NCAM2: variants seen among roughly 807,000 people sequenced by gnomAD.
The protein encoded by NCAM2 is N-CAM-2.
Under a neutral mutation model 98.1 loss-of-function variants are expected in NCAM2, and 30 were observed. That is an observed-to-expected ratio of 0.31 (90% CI 0.23 to 0.41). The LOEUF (loss-of-function observed/expected upper bound fraction) is 0.41. Among genes scored for constraint, NCAM2 ranks in the 10% least tolerant of loss-of-function variants. The probability of loss-of-function intolerance (pLI) is 1.00; values close to 1 mark genes in which losing one functional copy is unlikely to be tolerated. For synonymous variants in NCAM2, 368 were observed against 342.4 expected, an observed-to-expected ratio of 1.07 and a Z score of -0.83; for missense variants, 867 against 1,005.8, an observed-to-expected ratio of 0.86 and a Z score of 1.87.
At chr21:21,378,015 A>G (rs1306379774) in intron 9 of NCAM2, among the ~76,000 whole-genome samples, 1 of 151,994 alleles carries the variant, frequency 6.6e-6, no homozygotes, top group African/African-American at 2.4e-5. Flanking sequence ...GACAAGATTT[A>G]TCATTTTTTA....
intron 1 of NCAM2, among the ~76,000 whole-genome samples, chr21:21,183,626 A>G (rs1431179672): frequency 6.6e-6 from 1 of 152,186 alleles, no homozygotes; most frequent in Admixed American, 6.6e-5. Context: ...AAACTGGTAA[A>G]TTAATCAGGT....
intron 8 of NCAM2, among the ~76,000 whole-genome samples, chr21:21,352,548 A>C (rs1289859374): frequency 6.6e-6 from 1 of 151,898 alleles, no homozygotes; most frequent in Non-Finnish European, 1.5e-5. Flanking sequence ...ATTAAAGCTT[A>C]ATTCTGACTT....
intron 12 of NCAM2, among the ~76,000 whole-genome samples, chr21:21,437,570 C>T (rs1041054763): frequency 6.6e-6 from 1 of 151,082 alleles, no homozygotes; most frequent in Admixed American, 6.6e-5. Flanking sequence ...ATCCCCACTT[C>T]ATCTCCCCAT....
chr21:21,015,507 A>T (rs1338455728), intron 1 of NCAM2, among the ~76,000 whole-genome samples: 1 of 152,214 alleles, frequency 6.6e-6, no homozygotes, highest in Admixed American at 6.5e-5. Context: ...AAACATTTTT[A>T]AATTAATGTA....
Position 21,060,348 on chromosome 21 carries a change from G to C in NCAM2, c.55+61730G>C, listed in dbSNP as rs550626803. Among the ~76,000 whole-genome samples the C allele has an allele frequency of 7.9e-5, 12 of 152,108 alleles. 1 individual carries two copies. In the South Asian group the frequency reaches 2.5e-3, roughly 32 times the overall value. On this transcript the variant is annotated intron_variant, in intron 1 of 17. Transcript: ENST00000400546. ...AACATATTATGTTTTAAATGCACAA[G>C]CATATCTGTGTATGGGTTCTGTGTA...
intron 9 of NCAM2, among the ~76,000 whole-genome samples, chr21:21,400,698 G>T (rs1010658310): frequency 6.6e-6 from 1 of 150,624 alleles, no homozygotes; most frequent in African/African-American, 2.4e-5. Flanking sequence ...TGATTCTCAT[G>T]CCTCAGCCTC....
intron 1 of NCAM2, among the ~76,000 whole-genome samples, chr21:21,154,811 A>T (rs2067562305): frequency 6.6e-6 from 1 of 151,888 alleles, no homozygotes; most frequent in Admixed American, 6.6e-5. Flanking sequence ...AATAGGGTAT[A>T]AAAATAGAAG....
Position 21,052,002 on chromosome 21 carries a change from T to C in NCAM2, c.55+53384T>C, listed in dbSNP as rs75823068. Reference sequence around the variant, plus strand: ...TTTCATTTTAGAGTCAGAGTATATATGCAGGATTTTTTTTAACAAAGGTAA... The same window carrying C: ...TTTCATTTTAGAGTCAGAGTATATACGCAGGATTTTTTTTAACAAAGGTAA... On this transcript the variant is annotated intron_variant, in intron 1 of 17. Coordinates refer to ENST00000400546, the MANE Select transcript of NCAM2 (RefSeq NM_004540.5). Among the ~76,000 whole-genome samples, 377 of 152,272 alleles carry C rather than the reference T, an allele frequency of 2.5e-3. 16 individuals are homozygous for C. The East Asian group carries it at 0.065, about 26-fold the overall frequency.
At position 21,492,868 on chromosome 21, in the gene NCAM2, A is replaced by G. The variant is rs139983485; in HGVS notation, c.2077+15397A>G. ...AATGTGGTTAAATAAAAAATAAATTATCTTCAAATTGGCATTTCTGTTTTA... is the reference window on the plus strand; with the variant it reads ...AATGTGGTTAAATAAAAAATAAATTGTCTTCAAATTGGCATTTCTGTTTTA... On this transcript the variant is annotated intron_variant, in intron 15 of 17. Coordinates refer to ENST00000400546, the MANE Select transcript of NCAM2 (RefSeq NM_004540.5). Among the ~76,000 whole-genome samples, 23 of 152,026 alleles carry G rather than the reference A, an allele frequency of 1.5e-4. No homozygotes were observed. In the East Asian group the frequency reaches 4.3e-3, roughly 28 times the overall value.
Position 21,468,351 on chromosome 21 carries a change from TTAA to T in NCAM2, c.1775-304_1775-302del, listed in dbSNP as rs147997693. Among the ~76,000 whole-genome samples the T allele has an allele frequency of 2.8e-3, 430 of 152,104 alleles. 2 individuals carry two copies. The highest frequency in any genetic ancestry group is 1.0e-2 in the African/African-American group (415 of 41,524). On this transcript the variant is annotated intron_variant, in intron 13 of 17. Transcript: ENST00000400546. ...AGAAAATAAAAATGATTTAATACTA[TTAA>T]TAATAAGAGAAATAAAGTTTTACAT...
chr21:21,404,358 A>C (rs1358024376), intron 9 of NCAM2, among the ~76,000 whole-genome samples: 2 of 152,120 alleles, frequency 1.3e-5, no homozygotes, highest in Non-Finnish European at 2.9e-5. Context: ...GGGACCCAGC[A>C]GAGCATAATT....
At chr21:21,126,171 A>G (rs1394749452) in intron 1 of NCAM2, among the ~76,000 whole-genome samples, 1 of 135,178 alleles carries the variant, frequency 7.4e-6, no homozygotes, top group Non-Finnish European at 1.6e-5. Context: ...TTAGTGAGGG[A>G]TCATTTCCGG....
intron 9 of NCAM2, among the ~76,000 whole-genome samples, chr21:21,389,764 G>A (rs759876403): frequency 3.9e-5 from 6 of 152,076 alleles, no homozygotes; most frequent in Non-Finnish European, 7.4e-5. Flanking sequence ...TCTCTTTTAT[G>A]GCTGAATAAC....
chr21:21,067,588 G>A (rs2065467122), intron 1 of NCAM2, among the ~76,000 whole-genome samples: 1 of 152,038 alleles, frequency 6.6e-6, no homozygotes, highest in Non-Finnish European at 1.5e-5. Flanking sequence ...AGTCTTTCTT[G>A]CATCATCCTA....
chr21:21,344,353 C>T (rs1290368341), intron 8 of NCAM2, among the ~76,000 whole-genome samples: 2 of 152,232 alleles, frequency 1.3e-5, no homozygotes, highest in Middle Eastern at 3.4e-3. Flanking sequence ...TCTGCCAATC[C>T]AGGACCTTAC....
chr21:21,319,998 G>A (rs2074332686), intron 5 of NCAM2, among the ~76,000 whole-genome samples: 1 of 152,060 alleles, frequency 6.6e-6, no homozygotes, highest in African/African-American at 2.4e-5. Context: ...AACTTAATGA[G>A]CCAAATTTGA....
intron 5 of NCAM2, among the ~76,000 whole-genome samples, chr21:21,300,786 GT>G (rs923053861): frequency 2.2e-5 from 3 of 134,392 alleles, no homozygotes; most frequent in South Asian, 2.5e-4. Context: ...TTATTACTTA[GT>G]TTTTTTCTCT....
intron 11 of NCAM2, among the ~76,000 whole-genome samples, chr21:21,423,019 A>G (rs977385921): frequency 2.0e-5 from 3 of 152,058 alleles, no homozygotes; most frequent in African/African-American, 7.2e-5. Context: ...CTACATTTTA[A>G]ATATTATTAT....
At chr21:21,234,217 C>T (rs1009407983) in intron 1 of NCAM2, among the ~76,000 whole-genome samples, 2 of 151,672 alleles carry the variant, frequency 1.3e-5, no homozygotes, top group Non-Finnish European at 3.0e-5. Flanking sequence ...TAGAGCAGCA[C>T]CTTGCCCTGG....
Sources: gnomAD v4.1 joint callset for allele counts (sites outside exome capture counted in the v4.1 genomes callset) on GRCh38, gnomAD v4.1.1 for gene constraint, MANE v1.5 for transcripts, NCBI Gene and HGNC (gene_info 2026-07-23, HGNC 2026-07-21) for gene names.